PIGS: variants seen among roughly 807,000 people sequenced by gnomAD.
PIGS encodes the protein phosphatidylinositol glycan anchor biosynthesis class S, also known as GPI-anchor transamidase component PIGS.
In PIGS, 37 loss-of-function variants were observed where a neutral mutation model predicts 58.2. The ratio of observed to expected loss-of-function variants is 0.64; its 90% CI spans 0.49 to 0.84. PIGS has a LOEUF of 0.84. Among genes scored for constraint, PIGS ranks in the 40% least tolerant of loss-of-function variants. PIGS has a pLI of 0.00. For synonymous variants in PIGS, 269 were observed against 289.2 expected, an observed-to-expected ratio of 0.93 and a Z score of 0.71; for missense variants, 629 against 710.8, an observed-to-expected ratio of 0.88 and a Z score of 1.31.
intron 8 of PIGS, chr17:28,557,187 A>C: frequency 1.8e-6 from 1 of 541,790 alleles, no homozygotes; most frequent in Admixed American, 3.7e-5. Flanking sequence ...TAGCTCCAAA[A>C]CACCCCCGAA....
In PIGS at chr17:28,556,977, G is replaced by A; in HGVS notation, c.935-5C>T. 6.2e-7 allele frequency: 1 copy of A among 1,613,752 alleles called. No individual in the cohort carries two copies. Among genetic ancestry groups the A allele is most frequent in the South Asian group, 1.1e-5 (1 of 91,046 alleles). ...ACAAGGAGGCAGCACTGGATCCTGTGGTATAAAGGGAAAGCAGAATATCAA... is the reference window on the plus strand; with the variant it reads ...ACAAGGAGGCAGCACTGGATCCTGTAGTATAAAGGGAAAGCAGAATATCAA... On this transcript the variant is annotated splice_polypyrimidine_tract_variant and splice_region_variant and intron_variant, in intron 8 of 11. Coordinates refer to ENST00000308360, the MANE Select transcript of PIGS (RefSeq NM_033198.4).
rs2070364810 is a variant in PIGS at position 28,561,573 on chromosome 17, G to A, written c.525C>T (p.His175=). Residue 175 remains histidine (H), a synonymous_variant, in exon 6 of 12, where the codon CAC becomes CAT. Transcript: ENST00000308360. ...GGCCAATGATGTTAAAGGCCTCCCG[G>A]TGCATTATCCCCCGCACCACTGCTG... ...KRTAVVRGIM[H]REAFNIIGRR... 7.4e-6 allele frequency: 12 copies of A among 1,613,800 alleles called. No homozygotes were observed. Among genetic ancestry groups the A allele is most frequent in the Non-Finnish European group, 1.0e-5 (12 of 1,179,848 alleles).
At chr17:28,563,951 T>G in intron 3 of PIGS, 44 bp from the exon 4 acceptor site, 4 of 1,538,260 alleles carry the variant, frequency 2.6e-6, no homozygotes, top group Non-Finnish European at 3.6e-6. Flanking sequence ...GCAAGCATCA[T>G]GCCTCTGCCC....
intron 8 of PIGS, 85 bp downstream of exon 8, chr17:28,558,391 C>G (rs909468705): frequency 8.9e-7 from 1 of 1,121,958 alleles, no homozygotes. Context: ...AATCCACCTC[C>G]AACTCCTGTC....
chr17:28,559,298 A>G (rs1208610169), intron 7 of PIGS, among the ~76,000 whole-genome samples: 1 of 151,982 alleles, frequency 6.6e-6, no homozygotes, highest in Non-Finnish European at 1.5e-5. Context: ...TTGTTACTAC[A>G]ATAACAAATT....
chr17:28,554,173 C>T lies in PIGS; in HGVS notation c.*47G>A, dbSNP rs1258381801. On this transcript the variant is annotated 3_prime_UTR_variant, in exon 12 of 12. Coordinates refer to ENST00000308360, the MANE Select transcript of PIGS (RefSeq NM_033198.4). ...GTACGTGCCTCACAATCTAACACCG[C>T]CCACCTTGGCCAGAAAGGAAGGCTT... 6.9e-6 allele frequency: 11 copies of T among 1,600,844 alleles called. 1 individual carries two copies. The Admixed American group carries it at 1.7e-4, about 25-fold the overall frequency.
chr17:28,556,153 T>A lies in PIGS; in HGVS notation c.1181+13A>T, dbSNP rs764838106. The stretch of plus-strand genomic sequence containing the variant: ...GGAGACTATGTCCCCAAGTGGATCA[T>A]CCAGGACCTCACCGCAACTGTGCCA... On this transcript the variant is annotated intron_variant, in intron 10 of 11. Coordinates refer to ENST00000308360, the MANE Select transcript of PIGS (RefSeq NM_033198.4). 1.2e-5 allele frequency: 19 copies of A among 1,603,050 alleles called. No homozygotes were observed. In the South Asian group the frequency reaches 1.8e-4, roughly 15 times the overall value.
rs35452097 is a variant in PIGS at position 28,556,877 on chromosome 17, C to A, written c.1030G>T (p.Ala344Ser). The change falls in exon 9 of 12, where the codon GCT becomes TCT. Residue 344 changes from alanine (A) to serine (S), a missense_variant. Physicochemically the swap from Ala to Ser is moderately conservative, Grantham distance 99. Coordinates refer to ENST00000308360, the MANE Select transcript of PIGS (RefSeq NM_033198.4). ...TGGAAGGCATTGGTGGCCACTGGAG[C>A]GCCATCCTTGTCCTGAATGTACAGC... Reference protein sequence around the residue: ...SPLYIQDKDGAPVATNAFHSP... With the variant: ...SPLYIQDKDGSPVATNAFHSP... The A allele has an allele frequency of 4.0e-3, 6,440 of 1,614,088 alleles. 234 individuals are homozygous for A. The African/African-American group carries it at 0.076, about 19-fold the overall frequency.
At position 28,556,273 on chromosome 17, in the gene PIGS, G is replaced by C; in HGVS notation, c.1081-7C>G. 2 of 1,590,650 alleles carry C rather than the reference G, an allele frequency of 1.3e-6. No homozygotes were observed. Among genetic ancestry groups the C allele is most frequent in the Non-Finnish European group, 1.7e-6 (2 of 1,158,578 alleles). ...TGGAGTCAACATTATATACCTGAAA[G>C]GGGGAATGAGATTGCCACAACATCA... On this transcript the variant is annotated splice_polypyrimidine_tract_variant and splice_region_variant and intron_variant, in intron 9 of 11. Transcript: ENST00000308360.
intron 10 of PIGS, 100 bp downstream of exon 10, chr17:28,556,066 C>A (rs1050210342): frequency 8.8e-7 from 1 of 1,142,196 alleles, no homozygotes; most frequent in Non-Finnish European, 1.3e-6. Context: ...GCTCTAGGCA[C>A]AGCCAAGATA....
chr17:28,563,256 G>A (rs897350834), intron 5 of PIGS, among the ~76,000 whole-genome samples, 175 bp downstream of exon 5: 5 of 151,796 alleles, frequency 3.3e-5, no homozygotes, highest in African/African-American at 9.7e-5. Flanking sequence ...TCCCGCCACT[G>A]TACTCCAGCC....
chr17:28,561,297 A>C, intron 6 of PIGS, 125 bp downstream of exon 6: 1 of 629,884 alleles, frequency 1.6e-6, no homozygotes, highest in South Asian at 5.5e-5. Context: ...TAATAATAAC[A>C]TAAAATAAAT....
intron 3 of PIGS, among the ~76,000 whole-genome samples, chr17:28,564,749 C>A (rs572113354): frequency 1.5e-4 from 23 of 149,636 alleles, no homozygotes; most frequent in Middle Eastern, 3.5e-3. Flanking sequence ...TATGGTGGTG[C>A]ACACCTGTAG....
intron 3 of PIGS, among the ~76,000 whole-genome samples, chr17:28,564,651 G>T (rs1472408344): frequency 6.6e-6 from 1 of 150,814 alleles, no homozygotes. Context: ...GAAGGCGGAG[G>T]CTGCAGTGAG....
intron 5 of PIGS, 84 bp downstream of exon 5, chr17:28,563,347 G>A: frequency 8.5e-7 from 1 of 1,177,236 alleles, no homozygotes; most frequent in Non-Finnish European, 1.3e-6. Context: ...GAAGAAATGG[G>A]TAGCAATGAT....
chr17:28,571,255 G>A (rs1305435013), intron 1 of PIGS, 67 bp from the exon 2 acceptor site: 7 of 1,570,094 alleles, frequency 4.5e-6, no homozygotes, highest in South Asian at 1.2e-5. Context: ...TCCCCGACGC[G>A]GAGAAGCCCC....
At chr17:28,560,008 T>C (rs201938742) in intron 7 of PIGS, 41 bp downstream of exon 7, 307 of 1,573,214 alleles carry the variant, frequency 2.0e-4, no homozygotes, top group Non-Finnish European at 2.5e-4. Context: ...TAAATATGTA[T>C]AGACATTGAA....
chr17:28,557,061 C>G lies in PIGS; in HGVS notation c.935-89G>C, dbSNP rs529153838. Reference sequence around the variant, plus strand: ...GCCTCTAACTTGCTGGTCACTCACTCTGGGACTGATTCCCCAACTAACAAT... The same window carrying G: ...GCCTCTAACTTGCTGGTCACTCACTGTGGGACTGATTCCCCAACTAACAAT... On this transcript the variant is annotated intron_variant, in intron 8 of 11. Transcript: ENST00000308360. The G allele has an allele frequency of 6.4e-4, 893 of 1,403,228 alleles. 6 individuals carry two copies. In the South Asian group the frequency reaches 0.01, roughly 16 times the overall value. 86.9% of individuals were successfully genotyped at this position (1,403,228 alleles called of 1,614,324 possible).
chr17:28,557,069 G>A (rs1381730953), intron 8 of PIGS, 97 bp from the exon 9 acceptor site: 25 of 1,308,740 alleles, frequency 1.9e-5, no homozygotes, highest in Non-Finnish European at 4.3e-6. Context: ...CTCTGGGACT[G>A]ATTCCCCAAC....
Sources: gnomAD v4.1 joint callset for allele counts (sites outside exome capture counted in the v4.1 genomes callset) on GRCh38, gnomAD v4.1.1 for gene constraint, MANE v1.5 for transcripts, NCBI Gene and HGNC (gene_info 2026-07-23, HGNC 2026-07-21) for gene names.